Variants in PIWIL4 observed in about 807,000 individuals in gnomAD.
PIWIL4 encodes piwi like RNA-mediated gene silencing 4, also known as piwi-like protein 4.
A neutral mutation model predicts 100.9 loss-of-function variants in PIWIL4; 50 were observed. The ratio of observed to expected loss-of-function variants is 0.50; its 90% CI spans 0.39 to 0.63. The LOEUF is 0.63. Ranked by LOEUF, PIWIL4 falls within the 20% of genes least tolerant of loss-of-function variation. The pLI is 0.00. For missense variants in PIWIL4, 887 were observed against 1,043.3 expected (o/e 0.85, Z 2.06); for synonymous variants, 342 against 367.5 (o/e 0.93, Z 0.79).
intron 7 of PIWIL4, among the ~76,000 whole-genome samples, chr11:94,588,743 C>G (rs1948439339): frequency 6.6e-6 from 1 of 152,104 alleles, no homozygotes; most frequent in Non-Finnish European, 1.5e-5. Flanking sequence ...GAAAAACTAC[C>G]TGGGAGGTCA....
rs368537509 is a variant in PIWIL4 at position 94,575,166 on chromosome 11, A to C, written c.298+36A>C. 3.4e-4 allele frequency: 537 copies of C among 1,602,252 alleles called. 3 individuals carry two copies. The South Asian group carries it at 3.8e-3, about 11-fold the overall frequency. ...TTATGTCACTTACTTTTTTAATGTT[A>C]CCAAATCTTGCTTAAGGACTTCCAA... On this transcript the variant is annotated intron_variant, in intron 3 of 19. Coordinates refer to ENST00000299001, the MANE Select transcript of PIWIL4 (RefSeq NM_152431.3).
At chr11:94,583,629 G>C in intron 5 of PIWIL4, 60 bp downstream of exon 5, 4 of 1,598,902 alleles carry the variant, frequency 2.5e-6, no homozygotes, top group Non-Finnish European at 3.4e-6. Context: ...CATAGAGCCT[G>C]GGTATTAAAA....
intron 8 of PIWIL4, among the ~76,000 whole-genome samples, chr11:94,592,370 A>C (rs79430614): frequency 0.012 from 1,752 of 152,282 alleles, 29 homozygotes; most frequent in African/African-American, 0.04. Context: ...CGCTTTGTAG[A>C]TAATGTATTG....
chr11:94,608,683 C>G lies in PIWIL4; in HGVS notation c.1940C>G (p.Thr647Ser). The part of the protein sequence containing the change: ...GCVASVNPRI[T>S]RWFSRCILQR... ...GTGGCCAGTGTTAACCCCAGAATCA[C>G]CAGGTACTGCTAAAACTACCTGAAC... Residue 647 changes from threonine to serine, a missense_variant, in exon 15 of 20, where the codon ACC (threonine) becomes AGC (serine). Physicochemically the swap from Thr to Ser is moderately conservative, Grantham distance 58. Transcript: ENST00000299001. The G allele has an allele frequency of 6.2e-6, 10 of 1,613,076 alleles. No individual in the cohort carries two copies. The highest frequency in any genetic ancestry group is 8.5e-6 in the Non-Finnish European group (10 of 1,179,086).
chr11:94,610,199 AT>A (rs1485422513), intron 15 of PIWIL4, among the ~76,000 whole-genome samples: 1 of 149,988 alleles, frequency 6.7e-6, no homozygotes, highest in African/African-American at 2.5e-5. Context: ...AAATGGCAGG[AT>A]TTTCTTAAGG....
intron 2 of PIWIL4, among the ~76,000 whole-genome samples, chr11:94,569,506 G>A (rs367767183): frequency 6.6e-6 from 1 of 152,282 alleles, no homozygotes; most frequent in East Asian, 1.9e-4. Flanking sequence ...AACCTCCCAA[G>A]TAGCTGGGAT....
At chr11:94,596,441 T>G (rs188443625) in intron 10 of PIWIL4, among the ~76,000 whole-genome samples, 4 of 152,322 alleles carry the variant, frequency 2.6e-5, no homozygotes, top group Admixed American at 2.6e-4. Flanking sequence ...TCTTTCAGAC[T>G]CTGCAAACGC....
chr11:94,593,136 T>C (rs747322387), intron 8 of PIWIL4, among the ~76,000 whole-genome samples: 58 of 152,172 alleles, frequency 3.8e-4, no homozygotes, highest in Non-Finnish European at 6.6e-4. Flanking sequence ...TGAATATAGA[T>C]GTTTAGAGCC....
rs369750833 is a variant in PIWIL4, at chr11:94,583,534, C to T, written c.600C>T (p.Pro200=). The T allele has an allele frequency of 8.1e-6, 13 of 1,613,910 alleles. No individual in the cohort carries two copies. The highest frequency in any genetic ancestry group is 1.7e-5 in the Admixed American group (1 of 59,998). The part of the protein sequence containing the change: ...TLKRELPSSS[P]VCIQVFNIIF... ...AGAGGGAGCTGCCATCAAGTTCTCC[C>T]GTGTGCATCCAGGTCTTCAATATCA... The change falls in exon 5 of 20, where the codon CCC becomes CCT. Residue 200 remains proline (P), a synonymous_variant. Transcript: ENST00000299001.
At chr11:94,603,894 G>A (rs370327417) in intron 12 of PIWIL4, 90 bp from the exon 13 acceptor site, 10 of 784,148 alleles carry the variant, frequency 1.3e-5, no homozygotes, top group South Asian at 1.1e-4. Flanking sequence ...AGTTTGTTAT[G>A]AAAATTTATT....
rs1452882853 is a variant in PIWIL4 at position 94,571,892 on chromosome 11, A to G, written c.166+3084A>G. ...TTCCAAAATGGTTGAACTAGTGTAC[A>G]GTCCCACCAACAGTGTAAAAGTGTT... is the stretch of plus-strand genomic sequence containing the variant. On this transcript the variant is annotated intron_variant, in intron 2 of 19. Coordinates refer to ENST00000299001, the MANE Select transcript of PIWIL4 (RefSeq NM_152431.3). Among the ~76,000 whole-genome samples, 4 of 152,376 alleles carry G rather than the reference A, an allele frequency of 2.6e-5. 1 individual carries two copies. The highest frequency in any genetic ancestry group is 9.6e-5 in the African/African-American group (4 of 41,592).
chr11:94,601,392 A>T (rs1480215923), intron 11 of PIWIL4, among the ~76,000 whole-genome samples: 2 of 152,202 alleles, frequency 1.3e-5, no homozygotes, highest in Admixed American at 6.5e-5. Context: ...ATTGATAATC[A>T]GCATTCTCTG....
intron 13 of PIWIL4, among the ~76,000 whole-genome samples, chr11:94,606,856 G>A (rs372646479): frequency 1.3e-5 from 2 of 151,386 alleles, no homozygotes; most frequent in African/African-American, 4.8e-5. Flanking sequence ...AAAGCCAGGG[G>A]ACTTGAAACT....
At chr11:94,606,391 C>T (rs1948717128) in intron 13 of PIWIL4, among the ~76,000 whole-genome samples, 1 of 152,130 alleles carries the variant, frequency 6.6e-6, no homozygotes. Context: ...TTAAATAATT[C>T]TATAGGTGGA....
Position 94,607,482 on chromosome 11 carries a change from C to G in PIWIL4, c.1682C>G (p.Ser561Cys). The G allele has an allele frequency of 1.2e-6, 2 of 1,613,928 alleles. No homozygotes were observed. The highest frequency in any genetic ancestry group is 1.7e-6 in the Non-Finnish European group (2 of 1,179,942). The change falls in exon 14 of 20, where the codon TCC (serine) becomes TGC (cysteine). Residue 561 changes from serine to cysteine, a missense_variant. Coordinates refer to ENST00000299001, the MANE Select transcript of PIWIL4 (RefSeq NM_152431.3). ...TCTAATCAGAAGACCTATTATGATT[C>G]CATTAAAAAATATTTGAGCTCAGAC... Reference protein sequence around the residue: ...LPSNQKTYYDSIKKYLSSDCP... With the variant: ...LPSNQKTYYDCIKKYLSSDCP...
intron 2 of PIWIL4, among the ~76,000 whole-genome samples, chr11:94,569,440 G>T (rs982798940): frequency 1.2e-4 from 19 of 152,094 alleles, no homozygotes; most frequent in African/African-American, 4.6e-4. Flanking sequence ...GTGCAATGGC[G>T]CAATCTCAGC....
intron 15 of PIWIL4, among the ~76,000 whole-genome samples, chr11:94,612,296 C>T (rs771764186): frequency 2.1e-5 from 3 of 145,772 alleles, no homozygotes; most frequent in East Asian, 2.0e-4. Flanking sequence ...CCTTATCCAA[C>T]GACTTTGATT....
chr11:94,607,585 C>T lies in PIWIL4; in HGVS notation c.1785C>T (p.Ile595=), dbSNP rs114896849. The T allele has an allele frequency of 1.5e-3, 2,413 of 1,614,092 alleles. 25 individuals carry two copies. In the African/African-American group the frequency reaches 0.028, roughly 19 times the overall value. ...QGMMMSIATK[I]AMQMTCKLGG... is the part of the protein sequence containing the mutation. Reference sequence around the variant, plus strand: ...TGATGATGAGTATCGCCACCAAGATCGCTATGCAGATGACTTGCAAGCTCG... The same window carrying T: ...TGATGATGAGTATCGCCACCAAGATTGCTATGCAGATGACTTGCAAGCTCG... Residue 595 remains isoleucine, a synonymous_variant, in exon 14 of 20, where the codon ATC becomes ATT. Transcript: ENST00000299001.
chr11:94,600,052 T>A (rs1472664892), intron 11 of PIWIL4, among the ~76,000 whole-genome samples: 3 of 152,166 alleles, frequency 2.0e-5, no homozygotes, highest in Non-Finnish European at 4.4e-5. Flanking sequence ...CAGTGGATCT[T>A]CCCCACTTGC....
Sources: gnomAD v4.1 joint callset for allele counts (sites outside exome capture counted in the v4.1 genomes callset) on GRCh38, gnomAD v4.1.1 for gene constraint, MANE v1.5 for transcripts, NCBI Gene and HGNC (gene_info 2026-07-23, HGNC 2026-07-21) for gene names.